The following FAM107B variants were observed in gnomAD, a reference collection of about 807,000 sequenced individuals.
FAM107B encodes the protein protein FAM107B.
A neutral mutation model predicts 31.5 loss-of-function variants in FAM107B; 21 were observed. The ratio of observed to expected loss-of-function variants is 0.67; its 90% CI spans 0.47 to 0.96. FAM107B has a LOEUF of 0.96. Among genes scored for constraint, FAM107B ranks in the 40% least tolerant of loss-of-function variants. The pLI is 0.00. For missense variants in FAM107B, 452 were observed against 377.1 expected (o/e 1.20, Z -1.64); for synonymous variants, 157 against 141.5 (o/e 1.11, Z -0.78).
intron 2 of FAM107B, among the ~76,000 whole-genome samples, chr10:14,597,094 A>G (rs1852212768): frequency 6.6e-6 from 1 of 152,216 alleles, no homozygotes; most frequent in African/African-American, 2.4e-5. Flanking sequence ...AAAAATGAAA[A>G]AGAACCCTGA....
At chr10:14,720,694 C>CA (rs1336719386) in intron 1 of FAM107B, among the ~76,000 whole-genome samples, 1 of 152,114 alleles carries the variant, frequency 6.6e-6, no homozygotes, top group East Asian at 1.9e-4. Context: ...TACCAGACAC[C>CA]ATTGTCTTAA....
At chr10:14,531,906 C>A (rs183884333) in intron 2 of FAM107B, among the ~76,000 whole-genome samples, 1 of 152,278 alleles carries the variant, frequency 6.6e-6, no homozygotes, top group Admixed American at 6.5e-5. Flanking sequence ...TACTTTGGAA[C>A]CCATTCTCAG....
intron 2 of FAM107B, among the ~76,000 whole-genome samples, chr10:14,646,757 T>C (rs1357319389): frequency 6.6e-6 from 1 of 150,718 alleles, no homozygotes; most frequent in Non-Finnish European, 1.5e-5. Flanking sequence ...TGTTTTCCAT[T>C]GAGGTTGTAC....
intron 2 of FAM107B, among the ~76,000 whole-genome samples, chr10:14,591,102 T>G (rs1378229100): frequency 2.0e-5 from 3 of 152,066 alleles, no homozygotes; most frequent in Non-Finnish European, 4.4e-5. Context: ...CATCAATGAC[T>G]GATCTTTTAT....
rs553319770 is a variant in FAM107B, at chr10:14,735,394, A to G, written c.411+38859T>C. Reference sequence around the variant, plus strand: ...TGGCCCCAGGAAGCCAAAAGATTGGACACCTGTGGTAGATACTCATCTGTT... The same window carrying G: ...TGGCCCCAGGAAGCCAAAAGATTGGGCACCTGTGGTAGATACTCATCTGTT... On this transcript the variant is annotated intron_variant, in intron 1 of 4. Coordinates refer to ENST00000181796, the MANE Select transcript of FAM107B (RefSeq NM_031453.4). Among the ~76,000 whole-genome samples, 32 of 152,238 alleles carry G rather than the reference A, an allele frequency of 2.1e-4. No homozygotes were observed. The South Asian group carries it at 6.6e-3, about 32-fold the overall frequency.
At chr10:14,666,476 C>A (rs1169902289) in intron 2 of FAM107B, among the ~76,000 whole-genome samples, 1 of 152,124 alleles carries the variant, frequency 6.6e-6, no homozygotes, top group Non-Finnish European at 1.5e-5. Flanking sequence ...TACTGCGTCC[C>A]TCCCACAACA....
chr10:14,560,588 T>G (rs946553009), intron 2 of FAM107B, among the ~76,000 whole-genome samples: 1 of 152,118 alleles, frequency 6.6e-6, no homozygotes, highest in South Asian at 2.1e-4. Context: ...GAGCAGTCGA[T>G]GGAAGGCTCG....
At chr10:14,525,303 G>C (rs1336844879) in intron 3 of FAM107B, among the ~76,000 whole-genome samples, 2 of 152,144 alleles carry the variant, frequency 1.3e-5, no homozygotes. Context: ...TCACCCACGA[G>C]TAACAGTAAT....
intron 1 of FAM107B, among the ~76,000 whole-genome samples, chr10:14,672,213 C>G (rs1049825895): frequency 2.0e-5 from 3 of 152,012 alleles, no homozygotes; most frequent in African/African-American, 4.8e-5. Flanking sequence ...CTCAGCCTCC[C>G]GAGCAGCTGG....
Position 14,683,256 on chromosome 10 carries a change from A to G in FAM107B, c.412-15565T>C, listed in dbSNP as rs1854884974. Among the ~76,000 whole-genome samples the G allele has an allele frequency of 2.0e-5, 3 of 152,312 alleles. No individual in the cohort carries two copies. The South Asian group carries it at 6.2e-4, about 32-fold the overall frequency. On this transcript the variant is annotated intron_variant, in intron 1 of 4. Coordinates refer to ENST00000181796, the MANE Select transcript of FAM107B (RefSeq NM_031453.4). ...CTACAGTGGAAAGAAAAGTTATTGA[A>G]TAGCTCTCCTTAGTGAAAGAACTCA...
chr10:14,644,644 C>A (rs768968208), intron 2 of FAM107B, among the ~76,000 whole-genome samples: 1 of 152,198 alleles, frequency 6.6e-6, no homozygotes, highest in Non-Finnish European at 1.5e-5. Flanking sequence ...AATTTCTTTA[C>A]CCATAAAGTG....
chr10:14,728,312 T>C (rs1856082799), intron 1 of FAM107B, among the ~76,000 whole-genome samples: 2 of 151,926 alleles, frequency 1.3e-5, no homozygotes, highest in South Asian at 4.2e-4. Flanking sequence ...TTTGATTATT[T>C]CTTTCTTTGG....
At chr10:14,521,773 TAC>T (rs780971394) in intron 4 of FAM107B, 94 bp downstream of exon 4, 129 of 1,499,000 alleles carry the variant, frequency 8.6e-5, no homozygotes, top group Non-Finnish European at 1.1e-4. Context: ...TATAAATGTA[TAC>T]ACTGGCACGT....
At chr10:14,584,286 T>C (rs1262649503) in intron 2 of FAM107B, among the ~76,000 whole-genome samples, 1 of 151,990 alleles carries the variant, frequency 6.6e-6, no homozygotes, top group Admixed American at 6.5e-5. Context: ...ATGCCAAGGG[T>C]CCCTGTCCTC....
intron 2 of FAM107B, chr10:14,553,300 C>T: frequency 8.2e-7 from 1 of 1,222,770 alleles, no homozygotes; most frequent in Non-Finnish European, 1.1e-6. Flanking sequence ...ATGACCGAGA[C>T]AGTAAATTTC....
chr10:14,728,630 G>A (rs886612401), intron 1 of FAM107B, among the ~76,000 whole-genome samples: 3 of 152,042 alleles, frequency 2.0e-5, no homozygotes, highest in African/African-American at 4.8e-5. Flanking sequence ...CCCTCTTACC[G>A]CATGGTGATT....
chr10:14,610,002 G>A (rs1032051696), intron 2 of FAM107B, among the ~76,000 whole-genome samples: 4 of 152,152 alleles, frequency 2.6e-5, no homozygotes, highest in Non-Finnish European at 5.9e-5. Context: ...ATTGACCCCT[G>A]ATGACCTGAA....
In FAM107B at chr10:14,685,120, G is replaced by A. The variant is rs533810368; in HGVS notation, c.412-17429C>T. On this transcript the variant is annotated intron_variant, in intron 1 of 4. Coordinates refer to ENST00000181796, the MANE Select transcript of FAM107B (RefSeq NM_031453.4). ...TGAGATTATAGGTGTTAGTCGTCAC[G>A]CCCAGCCAATAACATCCTTTTATTT... 7.1e-4 allele frequency among the ~76,000 whole-genome samples: 105 copies of A among 148,810 alleles called. 1 individual carries two copies. Among genetic ancestry groups the A allele is most frequent in the African/African-American group, 2.2e-3 (87 of 40,300 alleles).
At chr10:14,712,320 G>A (rs539086842) in intron 1 of FAM107B, among the ~76,000 whole-genome samples, 2 of 151,970 alleles carry the variant, frequency 1.3e-5, no homozygotes, top group Non-Finnish European at 1.5e-5. Context: ...GGCCGGGTGC[G>A]TGGCTCAAGC....
Sources: gnomAD v4.1 joint callset for allele counts (sites outside exome capture counted in the v4.1 genomes callset) on GRCh38, gnomAD v4.1.1 for gene constraint, MANE v1.5 for transcripts, NCBI Gene and HGNC (gene_info 2026-07-23, HGNC 2026-07-21) for gene names.